PACSIN2: variants seen among roughly 807,000 people sequenced by gnomAD.
PACSIN2 encodes the protein protein kinase C and casein kinase substrate in neurons protein 2.
PACSIN2 carries 25 observed loss-of-function variants against 63.8 expected under a neutral mutation model. That is an observed-to-expected ratio of 0.39 (90% CI 0.29 to 0.55). PACSIN2 has a LOEUF of 0.55. Among genes scored for constraint, PACSIN2 ranks in the 20% least tolerant of loss-of-function variants. The probability of loss-of-function intolerance (pLI) is 0.62; values close to 1 mark genes in which losing one functional copy is unlikely to be tolerated. For missense variants in PACSIN2, 518 were observed against 646.9 expected (o/e 0.80, Z 2.16); for synonymous variants, 255 against 256.2 (o/e 1.00, Z 0.05).
intron 1 of PACSIN2, among the ~76,000 whole-genome samples, chr22:42,951,653 T>G (rs1933698155): frequency 1.3e-5 from 2 of 152,166 alleles, no homozygotes; most frequent in African/African-American, 4.8e-5. Context: ...CATGTCCACA[T>G]AACATCACCT....
At position 43,008,237 on chromosome 22, in the gene PACSIN2, G is replaced by C. The variant is rs10212042; in HGVS notation, c.-78+6784C>G. 6.5e-3 allele frequency among the ~76,000 whole-genome samples: 989 copies of C among 152,152 alleles called. 13 individuals carry two copies. The highest frequency in any genetic ancestry group is 0.023 in the African/African-American group (960 of 41,518). ...AAATAAGCCACCTAACATCTGTGAG[G>C]CTCTAAAATTCAGTGGTCTTCTTTT... On this transcript the variant is annotated intron_variant, in intron 1 of 10. Transcript: ENST00000263246.
intron 1 of PACSIN2, among the ~76,000 whole-genome samples, chr22:42,962,234 G>A (rs1477553278): frequency 6.6e-6 from 1 of 151,698 alleles, no homozygotes; most frequent in African/African-American, 2.4e-5. Flanking sequence ...GTTATGGGAG[G>A]GCTTTTTGTT....
chr22:42,892,723 C>T (rs886735761), intron 3 of PACSIN2, among the ~76,000 whole-genome samples: 3 of 152,220 alleles, frequency 2.0e-5, no homozygotes, highest in Admixed American at 1.3e-4. Flanking sequence ...GGCAGCTGGA[C>T]TAGACCTGGC....
chr22:42,909,917 A>G (rs958933851), intron 2 of PACSIN2, among the ~76,000 whole-genome samples: 4 of 152,194 alleles, frequency 2.6e-5, no homozygotes, highest in African/African-American at 7.2e-5. Context: ...CGACTCCCTC[A>G]GCTCCCGTGT....
At chr22:42,947,059 A>C (rs1320994558) in intron 1 of PACSIN2, 1 of 152,254 alleles carries the variant, frequency 6.6e-6, no homozygotes, top group Non-Finnish European at 1.5e-5. Context: ...TTAAGCTGCA[A>C]GTTTTCCAAC....
rs1450405170 is a variant in PACSIN2 at position 42,876,913 on chromosome 22, C to T, written c.1126G>A (p.Glu376Lys). ...DEDDTGSTVSEKDDTKAKNVS... is the reference protein window; with the variant it reads ...DEDDTGSTVSKKDDTKAKNVS... The stretch of plus-strand genomic sequence containing the variant: ...TTTTTGGCCTTAGTGTCGTCCTTCT[C>T]ACTGACGGTGCTGCCCGTGTCGTCC... The change falls in exon 9 of 11, where the codon GAG becomes AAG. Residue 376 changes from glutamate (E) to lysine (K), a missense_variant. This residue lies in a region of PACSIN2 where 507 missense variants were observed against 612.3 expected (regional missense o/e 0.83). Coordinates refer to ENST00000263246, the MANE Select transcript of PACSIN2 (RefSeq NM_001184970.3). 6.2e-7 allele frequency: 1 copy of T among 1,614,166 alleles called. No homozygotes were observed. Among genetic ancestry groups the T allele is most frequent in the African/African-American group, 1.3e-5 (1 of 75,046 alleles).
Position 42,876,245 on chromosome 22 carries a change from C to T in PACSIN2, c.1240G>A (p.Gly414Arg). Residue 414 changes from glycine (G) to arginine (R), a missense_variant, in exon 10 of 11, where the codon GGG becomes AGG. Gly to Arg is a moderately radical substitution (Grantham distance 125, BLOSUM62 -2). Around this residue, in one of 2 missense-constraint regions of PACSIN2, gnomAD observed 507 missense variants for 612.3 expected, o/e 0.83. Coordinates refer to ENST00000263246, the MANE Select transcript of PACSIN2 (RefSeq NM_001184970.3). Reference protein sequence around the residue: ...NNPFSSTDANGDSNPFDDDAT... With the variant: ...NNPFSSTDANRDSNPFDDDAT... ...TCGTCGTCGAATGGATTCGAGTCCC[C>T]ATTGGCATCCGTGGAGGAGAAGGGG... The T allele has an allele frequency of 6.2e-7, 1 of 1,614,226 alleles. No homozygotes were observed. The highest frequency in any genetic ancestry group is 8.5e-7 in the Non-Finnish European group (1 of 1,180,042).
chr22:42,879,231 G>A (rs1307830591), intron 7 of PACSIN2, 62 bp from the exon 8 acceptor site: 2 of 1,574,116 alleles, frequency 1.3e-6, no homozygotes, highest in Non-Finnish European at 1.7e-6. Flanking sequence ...AGCCACGTCT[G>A]TCCTCAGTTC....
chr22:42,902,224 C>T (rs914015659), intron 2 of PACSIN2, among the ~76,000 whole-genome samples: 5 of 152,134 alleles, frequency 3.3e-5, no homozygotes, highest in Admixed American at 6.5e-5. Context: ...CTGGAGGAAG[C>T]GATGTTTGAG....
intron 2 of PACSIN2, among the ~76,000 whole-genome samples, chr22:42,909,201 C>G (rs1232433497): frequency 2.0e-5 from 3 of 152,174 alleles, no homozygotes; most frequent in Non-Finnish European, 4.4e-5. Flanking sequence ...CCTACGGCAC[C>G]TGGCATGATG....
intron 1 of PACSIN2, among the ~76,000 whole-genome samples, chr22:42,937,229 A>T (rs922223080): frequency 6.6e-6 from 1 of 152,132 alleles, no homozygotes; most frequent in Non-Finnish European, 1.5e-5. Context: ...TGACCAGAGA[A>T]GGTCCCCAAA....
intron 1 of PACSIN2, among the ~76,000 whole-genome samples, chr22:42,990,985 C>T (rs1460838551): frequency 6.6e-6 from 1 of 152,194 alleles, no homozygotes; most frequent in African/African-American, 2.4e-5. Flanking sequence ...CCTCACAACG[C>T]TGTTGTGAGG....
At chr22:42,900,335 G>T (rs1404203974) in intron 2 of PACSIN2, among the ~76,000 whole-genome samples, 1 of 152,204 alleles carries the variant, frequency 6.6e-6, no homozygotes, top group Non-Finnish European at 1.5e-5. Context: ...CACACACTGA[G>T]TGATTTTCAC....
Position 42,876,176 on chromosome 22 carries a change from A to T in PACSIN2, c.1309T>A (p.Tyr437Asn). 1 of 1,614,114 alleles carries T rather than the reference A, an allele frequency of 6.2e-7. No homozygotes were observed. ...AGCTCATCATGCTCCTGCCCCTCAT[A>T]GTCATACAGGGCCCGGACTCGCACT... ...TEVRVRALYD[Y>N]EGQEHDELSF... The change falls in exon 10 of 11, where the codon TAT (tyrosine) becomes AAT (asparagine). Residue 437 changes from tyrosine (Y) to asparagine (N), a missense_variant. Transcript: ENST00000263246.
At chr22:42,877,267 G>C (rs1486688718) in intron 8 of PACSIN2, among the ~76,000 whole-genome samples, 2 of 152,160 alleles carry the variant, frequency 1.3e-5, no homozygotes, top group Non-Finnish European at 2.9e-5. Flanking sequence ...CCAGAACAGG[G>C]GCCCTGGGGT....
intron 2 of PACSIN2, among the ~76,000 whole-genome samples, chr22:42,907,981 G>A (rs763941275): frequency 6.6e-6 from 1 of 152,242 alleles, no homozygotes; most frequent in Non-Finnish European, 1.5e-5. Flanking sequence ...TACAGGGAGC[G>A]CCTTCCTGGC....
At chr22:42,997,076 G>T (rs1923455462) in intron 1 of PACSIN2, among the ~76,000 whole-genome samples, 1 of 152,220 alleles carries the variant, frequency 6.6e-6, no homozygotes, top group Admixed American at 6.5e-5. Flanking sequence ...CTGGCAGGAG[G>T]GGATGAGGCT....
At chr22:42,983,924 T>C (rs1015324261) in intron 1 of PACSIN2, among the ~76,000 whole-genome samples, 10 of 151,000 alleles carry the variant, frequency 6.6e-5, no homozygotes, top group Non-Finnish European at 8.8e-5. Flanking sequence ...AAACCTGGGC[T>C]GAAGAAGCTA....
intron 1 of PACSIN2, among the ~76,000 whole-genome samples, chr22:42,977,165 AT>A (rs1208161356): frequency 6.6e-6 from 1 of 152,066 alleles, no homozygotes; most frequent in Non-Finnish European, 1.5e-5. Flanking sequence ...AGAAACAAAC[AT>A]TTTTACAAAG....
Sources: allele counts gnomAD v4.1 joint callset (sites outside exome capture counted in the v4.1 genomes callset), GRCh38; gene constraint gnomAD v4.1.1; regional missense constraint gnomAD v4.1.1; transcripts MANE v1.5; gene names NCBI Gene and HGNC (gene_info 2026-07-23, HGNC 2026-07-21).